The following LARP4B variants were observed in gnomAD, a reference collection of about 807,000 sequenced individuals.
LARP4B encodes la-related protein 4B.
LARP4B carries 12 observed loss-of-function variants against 89.8 expected under a neutral mutation model. The ratio of observed to expected loss-of-function variants is 0.13; its 90% CI spans 0.09 to 0.22. The LOEUF (loss-of-function observed/expected upper bound fraction) is 0.22, where lower values mean the gene tolerates loss of function less well. Ranked by LOEUF, LARP4B falls within the 10% of genes least tolerant of loss-of-function variation. LARP4B has a pLI of 1.00. For synonymous variants in LARP4B, 367 were observed against 363.3 expected (o/e 1.01, Z -0.12); for missense variants, 757 against 947.7 (o/e 0.80, Z 2.64).
At chr10:943,557 G>A in the LARP4B span, among the ~76,000 whole-genome samples, 2 of 152,114 alleles carry the variant, frequency 1.3e-5, no homozygotes, top group African/African-American at 4.8e-5. Context: ...ATCCTTTTGA[G>A]TAGCTGGGAC....
chr10:863,293 G>A (rs1205339850), intron 5 of LARP4B, among the ~76,000 whole-genome samples: 2 of 150,652 alleles, frequency 1.3e-5, no homozygotes, highest in South Asian at 2.1e-4. Flanking sequence ...GCACGATCTC[G>A]GCTCACTGCA....
intron 3 of LARP4B, among the ~76,000 whole-genome samples, chr10:880,263 A>C (rs1343143656): frequency 6.6e-6 from 1 of 152,230 alleles, no homozygotes. Flanking sequence ...TGCAATAATT[A>C]ATCTGAATTG....
the LARP4B span, among the ~76,000 whole-genome samples, chr10:973,437 T>C: frequency 6.6e-6 from 1 of 152,084 alleles, no homozygotes; most frequent in African/African-American, 2.4e-5. Flanking sequence ...CTGCAAGCTC[T>C]GCCTCCCGGG....
the LARP4B span, among the ~76,000 whole-genome samples, chr10:973,848 G>A: frequency 6.6e-6 from 1 of 152,106 alleles, no homozygotes; most frequent in Non-Finnish European, 1.5e-5. Flanking sequence ...CAGTGATACC[G>A]TGGAGTGAGA....
intron 1 of LARP4B, among the ~76,000 whole-genome samples, chr10:893,076 T>C (rs1216776697): frequency 6.6e-6 from 1 of 150,648 alleles, no homozygotes; most frequent in African/African-American, 2.5e-5. Context: ...ATACCCTTTT[T>C]TTTCTTTTTT....
At chr10:948,891 A>C in the LARP4B span, among the ~76,000 whole-genome samples, 1 of 152,076 alleles carries the variant, frequency 6.6e-6, no homozygotes, top group Admixed American at 6.5e-5. Context: ...CTGCTTAACC[A>C]CACACCGGTT....
the LARP4B span, among the ~76,000 whole-genome samples, chr10:979,799 G>A: frequency 0.5 from 75,882 of 151,832 alleles, 19,310 homozygotes; most frequent in East Asian, 0.62. Context: ...GTGAAACCCC[G>A]TCTCTACTAA....
At chr10:892,927 T>TA (rs1259354821) in intron 1 of LARP4B, among the ~76,000 whole-genome samples, 6 of 95,602 alleles carry the variant, frequency 6.3e-5, no homozygotes, top group South Asian at 3.5e-4. Flanking sequence ...TTTTTTTTTT[T>TA]AAATACAGAG....
the LARP4B span, among the ~76,000 whole-genome samples, chr10:953,969 G>C: frequency 5.3e-5 from 8 of 152,362 alleles, no homozygotes; most frequent in Admixed American, 5.2e-4. Flanking sequence ...TTCGGAGCAA[G>C]GGGAAGGCAA....
chr10:868,843 C>A (rs1241888246), intron 3 of LARP4B, among the ~76,000 whole-genome samples: 1 of 152,164 alleles, frequency 6.6e-6, no homozygotes, highest in South Asian at 2.1e-4. Flanking sequence ...CCATCTCTAC[C>A]TCCTTAATAT....
At chr10:833,613 C>T (rs1371940028) in intron 8 of LARP4B, among the ~76,000 whole-genome samples, 1 of 152,100 alleles carries the variant, frequency 6.6e-6, no homozygotes, top group Admixed American at 6.5e-5. Context: ...GAAATTGGGC[C>T]CGGTGCGGTG....
At chr10:973,973 G>A in the LARP4B span, among the ~76,000 whole-genome samples, 1 of 152,180 alleles carries the variant, frequency 6.6e-6, no homozygotes, top group Non-Finnish European at 1.5e-5. Flanking sequence ...ACCTTAGGAA[G>A]TGCCCTTTCC....
At chr10:946,024 T>TA in the LARP4B span, among the ~76,000 whole-genome samples, 16 of 152,216 alleles carry the variant, frequency 1.1e-4, no homozygotes, top group African/African-American at 3.9e-4. Context: ...GGTGTTTTGT[T>TA]ACGGCCAGCG....
intron 1 of LARP4B, among the ~76,000 whole-genome samples, chr10:920,570 T>C (rs1352300239): frequency 6.6e-6 from 1 of 152,054 alleles, no homozygotes. Flanking sequence ...GGCCAGGAGT[T>C]GCAGACCAGC....
chr10:913,209 A>G (rs1220319652), intron 1 of LARP4B, among the ~76,000 whole-genome samples: 1 of 152,242 alleles, frequency 6.6e-6, no homozygotes, highest in Non-Finnish European at 1.5e-5. Flanking sequence ...GGAACAGATA[A>G]TTAAGAGACT....
intron 1 of LARP4B, among the ~76,000 whole-genome samples, chr10:923,352 G>A (rs1230132627): frequency 1.3e-5 from 2 of 152,114 alleles, no homozygotes; most frequent in African/African-American, 4.8e-5. Context: ...TCCCGGCACA[G>A]GTCTGAATCC....
At chr10:817,692 T>G in intron 15 of LARP4B, 33 bp downstream of exon 15, 1 of 1,594,428 alleles carries the variant, frequency 6.3e-7, no homozygotes, top group Non-Finnish European at 8.6e-7. Context: ...TAGACACTGT[T>G]GGCAACTATT....
chr10:842,326 T>C (rs1194776953), intron 7 of LARP4B, among the ~76,000 whole-genome samples: 1 of 152,080 alleles, frequency 6.6e-6, no homozygotes, highest in Admixed American at 6.5e-5. Flanking sequence ...GCCTCTCAAG[T>C]ACCTGGGATT....
chr10:971,391 C>T, the LARP4B span: 5 of 152,122 alleles, frequency 3.3e-5, no homozygotes, highest in African/African-American at 1.2e-4. Flanking sequence ...GGAACTGAAT[C>T]GCAGCTGTTA....
Sources: gnomAD v4.1 joint callset for allele counts (sites outside exome capture counted in the v4.1 genomes callset) on GRCh38, gnomAD v4.1.1 for gene constraint, MANE v1.5 for transcripts, NCBI Gene and HGNC (gene_info 2026-07-23, HGNC 2026-07-21) for gene names.